Variants in AK8 observed in about 807,000 individuals in gnomAD.
The protein encoded by AK8 is ATP-AMP transphosphorylase 8.
AK8 carries 44 observed loss-of-function variants against 54.6 expected under a neutral mutation model. The observed-to-expected ratio is 0.81, with a 90% CI of 0.63 to 1.04. The LOEUF (loss-of-function observed/expected upper bound fraction) is 1.04, where lower values mean the gene tolerates loss of function less well. Ranked by LOEUF, AK8 falls within the 50% of genes least tolerant of loss-of-function variation. The pLI, the probability that AK8 is intolerant of heterozygous loss-of-function variation, is 0.00. For missense variants in AK8, 555 were observed against 613.6 expected, an observed-to-expected ratio of 0.90 and a Z score of 1.01; for synonymous variants, 239 against 245.6, an observed-to-expected ratio of 0.97 and a Z score of 0.25.
chr9:132,729,128 G>T (rs187611855), intron 11 of AK8, among the ~76,000 whole-genome samples: 322 of 152,200 alleles, frequency 2.1e-3, no homozygotes, highest in African/African-American at 7.0e-3. Flanking sequence ...CAAGAAATCT[G>T]CCCCCTTCAG....
At chr9:132,844,515 G>A (rs1272731345) in intron 5 of AK8, among the ~76,000 whole-genome samples, 1 of 152,042 alleles carries the variant, frequency 6.6e-6, no homozygotes, top group Non-Finnish European at 1.5e-5. Context: ...CTAAAAGCAA[G>A]AAAGCCTGTT....
At chr9:132,876,056 A>G (rs1844081675) in intron 1 of AK8, among the ~76,000 whole-genome samples, 1 of 152,218 alleles carries the variant, frequency 6.6e-6, no homozygotes, top group Non-Finnish European at 1.5e-5. Context: ...GGTATCCTTG[A>G]GCCCCAGGGA....
At chr9:132,827,525 C>T (rs1276188344) in intron 7 of AK8, 3 of 211,734 alleles carry the variant, frequency 1.4e-5, no homozygotes, top group Admixed American at 5.2e-5. Context: ...AGGGCAGTCC[C>T]GTCTCCCCCC....
intron 10 of AK8, among the ~76,000 whole-genome samples, chr9:132,809,678 T>C (rs542813147): frequency 1.3e-5 from 2 of 152,196 alleles, no homozygotes; most frequent in African/African-American, 4.8e-5. Flanking sequence ...ATCCATTCTA[T>C]GCTCTCAGCA....
intron 11 of AK8, among the ~76,000 whole-genome samples, chr9:132,768,014 G>A (rs1838794567): frequency 6.6e-6 from 1 of 152,096 alleles, no homozygotes; most frequent in Non-Finnish European, 1.5e-5. Flanking sequence ...TAGATAGAAG[G>A]AATAAGTTCC....
intron 11 of AK8, among the ~76,000 whole-genome samples, chr9:132,746,231 CAT>C (rs1837647811): frequency 6.6e-6 from 1 of 152,204 alleles, no homozygotes; most frequent in African/African-American, 2.4e-5. Flanking sequence ...CACACACACA[CAT>C]AGACACACAC....
At chr9:132,843,564 T>C (rs563242316) in intron 5 of AK8, among the ~76,000 whole-genome samples, 4 of 152,262 alleles carry the variant, frequency 2.6e-5, no homozygotes, top group African/African-American at 7.2e-5. Flanking sequence ...TGGGTGCAGG[T>C]TGACCTGGAG....
chr9:132,849,346 A>G (rs569375640), intron 5 of AK8, among the ~76,000 whole-genome samples: 16 of 152,332 alleles, frequency 1.1e-4, no homozygotes, highest in Non-Finnish European at 2.1e-4. Context: ...TTCTAAGATA[A>G]AAGTCTTTCT....
chr9:132,772,357 A>C (rs955574563), intron 11 of AK8, among the ~76,000 whole-genome samples: 1 of 152,220 alleles, frequency 6.6e-6, no homozygotes, highest in Non-Finnish European at 1.5e-5. Context: ...CTGTATTTGA[A>C]CACAGGGCCT....
At chr9:132,768,734 C>T (rs1387654382) in intron 11 of AK8, among the ~76,000 whole-genome samples, 1 of 152,138 alleles carries the variant, frequency 6.6e-6, no homozygotes, top group Non-Finnish European at 1.5e-5. Context: ...CACATGTCTG[C>T]TAACAGAGGG....
intron 5 of AK8, among the ~76,000 whole-genome samples, chr9:132,835,155 C>T (rs1046443905): frequency 6.6e-6 from 1 of 152,230 alleles, no homozygotes; most frequent in African/African-American, 2.4e-5. Context: ...CAGGCATGAG[C>T]CACTGCGCCC....
At chr9:132,840,774 T>A (rs989476316) in intron 5 of AK8, among the ~76,000 whole-genome samples, 30 of 152,138 alleles carry the variant, frequency 2.0e-4, no homozygotes, top group Middle Eastern at 3.4e-3. Flanking sequence ...ACGCCTGCAA[T>A]CCCAGCTACT....
In AK8 at chr9:132,860,326, C is replaced by T. The variant is rs1843334770; in HGVS notation, c.333+3339G>A. ...CACTTCTAGGTGTGATAATGTGTCT[C>T]TATGCGTTTACTGAAAAAGGGCCCT... On this transcript the variant is annotated intron_variant, in intron 4 of 12. Coordinates refer to ENST00000298545, the MANE Select transcript of AK8 (RefSeq NM_152572.3). This position sits in a 1 kb window ranked among gnomAD's most constrained non-coding sequence, Gnocchi z 4.4. 6.6e-6 allele frequency among the ~76,000 whole-genome samples: 1 copy of T among 152,144 alleles called. No individual in the cohort carries two copies. Among genetic ancestry groups the T allele is most frequent in the Non-Finnish European group, 1.5e-5 (1 of 68,030 alleles).
intron 5 of AK8, among the ~76,000 whole-genome samples, chr9:132,845,778 CAAA>C (rs35258934): frequency 9.2e-6 from 1 of 108,844 alleles, no homozygotes; most frequent in African/African-American, 3.8e-5. Flanking sequence ...AACTCCATCT[CAAA>C]AAAAAAAAAA....
chr9:132,831,982 A>G (rs1842120561), intron 5 of AK8, among the ~76,000 whole-genome samples: 1 of 143,998 alleles, frequency 6.9e-6, no homozygotes, highest in Admixed American at 7.2e-5. Flanking sequence ...AGATCCCCTT[A>G]GCCCAGGAAT....
At position 132,725,886 on chromosome 9, in the gene AK8, G is replaced by A; in HGVS notation, c.1242C>T (p.Ile414=). 1.2e-6 allele frequency: 2 copies of A among 1,611,894 alleles called. No homozygotes were observed. Among genetic ancestry groups the A allele is most frequent in the Non-Finnish European group, 1.7e-6 (2 of 1,179,650 alleles). The part of the protein sequence containing the change: ...LMYKPPPTME[I]QARLLQNPKD... ...TTGGGTTCTGCAGGAGGCGAGCCTGGATCTCCATGGTGGGAGGTGGCTTGT... is the reference window on the plus strand; with the variant it reads ...TTGGGTTCTGCAGGAGGCGAGCCTGAATCTCCATGGTGGGAGGTGGCTTGT... Residue 414 remains isoleucine, a synonymous_variant, in exon 13 of 13, where the codon ATC becomes ATT. Coordinates refer to ENST00000298545, the MANE Select transcript of AK8 (RefSeq NM_152572.3).
intron 5 of AK8, among the ~76,000 whole-genome samples, chr9:132,831,924 C>T (rs61233192): frequency 6.6e-5 from 10 of 151,732 alleles, no homozygotes; most frequent in African/African-American, 2.2e-4. Flanking sequence ...TAGCCAGGCG[C>T]GTTGGTGCAC....
intron 11 of AK8, among the ~76,000 whole-genome samples, chr9:132,771,328 A>G (rs1838970553): frequency 6.6e-6 from 1 of 152,246 alleles, no homozygotes; most frequent in Non-Finnish European, 1.5e-5. Context: ...GATGGTGGTC[A>G]GGCTTACACT....
intron 10 of AK8, among the ~76,000 whole-genome samples, chr9:132,802,024 A>T (rs1840482037): frequency 6.6e-6 from 1 of 152,204 alleles, no homozygotes; most frequent in Non-Finnish European, 1.5e-5. Flanking sequence ...TGCGCTCTGC[A>T]TTCCACTTGC....
Sources: allele counts gnomAD v4.1 joint callset (sites outside exome capture counted in the v4.1 genomes callset), GRCh38; gene constraint gnomAD v4.1.1; non-coding constraint Gnocchi (gnomAD v3.1); transcripts MANE v1.5; gene names NCBI Gene and HGNC (gene_info 2026-07-23, HGNC 2026-07-21).